PAM: variants seen among roughly 807,000 people sequenced by gnomAD.
PAM encodes the protein peptidylglycine alpha-amidating monooxygenase.
A neutral mutation model predicts 122.1 loss-of-function variants in PAM; 72 were observed. The observed-to-expected ratio is 0.59, with a 90% CI of 0.49 to 0.72. The LOEUF (loss-of-function observed/expected upper bound fraction) is 0.72. PAM is among the 30% of genes least tolerant of loss of function. The pLI is 0.00. For missense variants in PAM, 1,106 were observed against 1,183.7 expected (o/e 0.93, Z 0.96); for synonymous variants, 389 against 404.4 (o/e 0.96, Z 0.46).
At chr5:103,010,690 T>TA (rs1272264221) in intron 21 of PAM, among the ~76,000 whole-genome samples, 2 of 152,212 alleles carry the variant, frequency 1.3e-5, no homozygotes, top group Admixed American at 1.3e-4. Context: ...TCTTGACACT[T>TA]ATAATGTTAT....
chr5:102,918,688 A>G (rs904230626), intron 5 of PAM, among the ~76,000 whole-genome samples: 3 of 152,066 alleles, frequency 2.0e-5, no homozygotes. Context: ...AAATCATAAT[A>G]TTTTGTTTAT....
intron 15 of PAM, among the ~76,000 whole-genome samples, chr5:102,988,683 GAAA>G (rs1272441190): frequency 3.6e-5 from 5 of 139,842 alleles, no homozygotes; most frequent in Non-Finnish European, 8.0e-5. Context: ...AAAGGGAAAA[GAAA>G]GAAGGAAAGA....
At chr5:102,909,295 C>T (rs978021551) in intron 4 of PAM, among the ~76,000 whole-genome samples, 1 of 151,794 alleles carries the variant, frequency 6.6e-6, no homozygotes, top group South Asian at 2.1e-4. Context: ...GCTAAACTCA[C>T]ATGATATAAT....
Position 102,948,360 on chromosome 5 carries a change from T to C in PAM, c.576-18T>C, listed in dbSNP as rs1757679756. 1 of 1,470,906 alleles carries C rather than the reference T, an allele frequency of 6.8e-7. No individual in the cohort carries two copies. Among genetic ancestry groups the C allele is most frequent in the Non-Finnish European group, 9.5e-7 (1 of 1,054,402 alleles). The allele number at this position is 1,470,906 out of a possible 1,614,324, so 91.1% of individuals were successfully genotyped here. ...GACTTTTTCAGGTATTTTAGAAAAATGTTATTTTTTTCTGCAGACAGCCTT... is the reference window on the plus strand; with the variant it reads ...GACTTTTTCAGGTATTTTAGAAAAACGTTATTTTTTTCTGCAGACAGCCTT... On this transcript the variant is annotated intron_variant, in intron 8 of 25. Transcript: ENST00000438793.
At chr5:102,906,960 A>G (rs554571439) in intron 4 of PAM, among the ~76,000 whole-genome samples, 17 of 151,844 alleles carry the variant, frequency 1.1e-4, no homozygotes, top group Admixed American at 1.1e-3. Context: ...GATGAAGTCT[A>G]TTGATTCTTT....
In PAM at chr5:102,829,664, G is replaced by A. The variant is rs1472619192; in HGVS notation, c.-373-36159G>A. Among the ~76,000 whole-genome samples the A allele has an allele frequency of 3.3e-5, 5 of 152,292 alleles. No individual in the cohort carries two copies. In the East Asian group the frequency reaches 5.8e-4, roughly 18 times the overall value. On this transcript the variant is annotated intron_variant, in intron 1 of 25. Transcript: ENST00000438793. ...GCTGGGATTACAGGCGTGAGCCACT[G>A]CGCCTGGCCGCAAATGGGAGTTTTT...
chr5:102,808,192 C>T (rs1013401015), intron 1 of PAM: 4 of 152,292 alleles, frequency 2.6e-5, no homozygotes, highest in Middle Eastern at 3.4e-3. Context: ...TCTCGTTGCT[C>T]GCTTTCCAGT....
intron 1 of PAM, among the ~76,000 whole-genome samples, chr5:102,829,665 C>G (rs980067141): frequency 6.6e-6 from 1 of 152,154 alleles, no homozygotes; most frequent in Admixed American, 6.5e-5. Context: ...TGAGCCACTG[C>G]GCCTGGCCGC....
intron 3 of PAM, among the ~76,000 whole-genome samples, chr5:102,887,951 C>T (rs1262918990): frequency 2.0e-5 from 3 of 151,982 alleles, no homozygotes; most frequent in Non-Finnish European, 4.4e-5. Context: ...CCCGCATCCT[C>T]CACCTTTTAG....
intron 17 of PAM, among the ~76,000 whole-genome samples, chr5:103,004,033 C>G (rs1778200689): frequency 6.6e-6 from 1 of 151,962 alleles, no homozygotes; most frequent in Non-Finnish European, 1.5e-5. Flanking sequence ...ATCTCCTGAA[C>G]CATTGTAACT....
At chr5:102,892,952 GAAAATAAAT>G (rs1245854598) in intron 3 of PAM, among the ~76,000 whole-genome samples, 1 of 151,714 alleles carries the variant, frequency 6.6e-6, no homozygotes, top group Non-Finnish European at 1.5e-5. Context: ...AGTAGGCAAA[GAAAATAAAT>G]ATTTTACTTT....
At chr5:102,849,577 A>C (rs1324212825) in intron 1 of PAM, among the ~76,000 whole-genome samples, 1 of 151,784 alleles carries the variant, frequency 6.6e-6, no homozygotes, top group Non-Finnish European at 1.5e-5. Flanking sequence ...AAAAAAAGGA[A>C]AAAGAAAAAG....
At chr5:102,902,697 C>G (rs1006703747) in intron 4 of PAM, among the ~76,000 whole-genome samples, 2 of 151,464 alleles carry the variant, frequency 1.3e-5, no homozygotes, top group African/African-American at 4.8e-5. Context: ...ATAATATTTA[C>G]TCGCAAAAGG....
chr5:102,902,955 T>C (rs1798430614), intron 4 of PAM, among the ~76,000 whole-genome samples: 1 of 151,468 alleles, frequency 6.6e-6, no homozygotes, highest in Non-Finnish European at 1.5e-5. Context: ...CTGTGTGTTA[T>C]TGCTCTCCTA....
chr5:102,802,862 T>C (rs1189185875), intron 1 of PAM, among the ~76,000 whole-genome samples: 6 of 152,330 alleles, frequency 3.9e-5, no homozygotes, highest in East Asian at 1.9e-4. Context: ...TATGAGGTAG[T>C]ACTATTGTTC....
At chr5:102,962,544 A>T (rs1038006533) in intron 14 of PAM, among the ~76,000 whole-genome samples, 2 of 151,892 alleles carry the variant, frequency 1.3e-5, no homozygotes, top group Admixed American at 1.3e-4. Flanking sequence ...ACAATACGGA[A>T]TGAGATACCA....
intron 15 of PAM, among the ~76,000 whole-genome samples, chr5:102,981,498 G>A (rs1769858482): frequency 6.6e-6 from 1 of 152,176 alleles, no homozygotes; most frequent in South Asian, 2.1e-4. Flanking sequence ...GGTTGTAGGG[G>A]AGTTTGAATG....
intron 1 of PAM, among the ~76,000 whole-genome samples, chr5:102,769,032 A>T (rs1255824898): frequency 6.6e-6 from 1 of 152,154 alleles, no homozygotes; most frequent in African/African-American, 2.4e-5. Flanking sequence ...TCTTTTGGAT[A>T]AAAGCCATTT....
rs183094492 is a variant in PAM at position 103,007,167 on chromosome 5, A to T, written c.2014+156A>T. 4.9e-4 allele frequency among the ~76,000 whole-genome samples: 68 copies of T among 138,140 alleles called. No homozygotes were observed. The East Asian group carries it at 7.4e-3, about 15-fold the overall frequency. The allele number at this position is 138,140 out of a possible 152,430, so 90.6% of individuals were successfully genotyped here. On this transcript the variant is annotated intron_variant, in intron 19 of 25. Coordinates refer to ENST00000438793, the MANE Select transcript of PAM (RefSeq NM_001177306.2). ...TATGCATCCAGTTAGCTTGTCTCTC[A>T]CACACACACACACACACATATACAT...
Sources: gnomAD v4.1 joint callset for allele counts (sites outside exome capture counted in the v4.1 genomes callset) on GRCh38, gnomAD v4.1.1 for gene constraint, MANE v1.5 for transcripts, NCBI Gene and HGNC (gene_info 2026-07-23, HGNC 2026-07-21) for gene names.